The following CCSER1 variants were observed in gnomAD, a reference collection of about 807,000 sequenced individuals.
The protein encoded by CCSER1 is coiled-coil serine rich protein 1, also known as serine-rich coiled-coil domain-containing protein 1.
In CCSER1, 41 loss-of-function variants were observed where a neutral mutation model predicts 82.0. That is an observed-to-expected ratio of 0.50 (90% confidence interval 0.39 to 0.65). The LOEUF (loss-of-function observed/expected upper bound fraction) is 0.65, where lower values mean the gene tolerates loss of function less well. Ranked by LOEUF, CCSER1 falls within the 30% of genes least tolerant of loss-of-function variation. The pLI is 0.00. For synonymous variants in CCSER1, 414 were observed against 383.9 expected, an observed-to-expected ratio of 1.08 and a Z score of -0.92; for missense variants, 1,119 against 1,064.2, an observed-to-expected ratio of 1.05 and a Z score of -0.72.
At chr4:91,091,269 C>A (rs1207401771) in intron 10 of CCSER1, among the ~76,000 whole-genome samples, 3 of 152,118 alleles carry the variant, frequency 2.0e-5, no homozygotes, top group African/African-American at 7.2e-5. Context: ...AGTCTTCAGT[C>A]CTTAATCTGA....
chr4:91,393,584 T>A (rs1218639662), intron 10 of CCSER1, among the ~76,000 whole-genome samples: 1 of 152,130 alleles, frequency 6.6e-6, no homozygotes, highest in Non-Finnish European at 1.5e-5. Context: ...TCTTAAGATA[T>A]ATTAAAGTTA....
At chr4:91,568,882 GA>G (rs1763027927) in intron 10 of CCSER1, among the ~76,000 whole-genome samples, 1 of 152,078 alleles carries the variant, frequency 6.6e-6, no homozygotes, top group Non-Finnish European at 1.5e-5. Context: ...TCTTGTTGGA[GA>G]AATGGTGAGG....
intron 10 of CCSER1, among the ~76,000 whole-genome samples, chr4:91,280,460 T>C (rs1387970340): frequency 5.3e-5 from 8 of 152,040 alleles, no homozygotes; most frequent in Admixed American, 4.6e-4. Flanking sequence ...CCAGCTGTGA[T>C]GGTAGTTATC....
chr4:90,937,362 A>G (rs982143643), intron 9 of CCSER1, among the ~76,000 whole-genome samples: 1 of 152,068 alleles, frequency 6.6e-6, no homozygotes, highest in Non-Finnish European at 1.5e-5. Flanking sequence ...ATTTCCTCAT[A>G]TTGCTTTTGG....
At chr4:90,908,671 A>G (rs1270190271) in intron 8 of CCSER1, among the ~76,000 whole-genome samples, 2 of 152,118 alleles carry the variant, frequency 1.3e-5, no homozygotes, top group Non-Finnish European at 2.9e-5. Flanking sequence ...TTTAAAATCC[A>G]TTGTGTATTT....
chr4:91,037,281 CAT>C (rs1741529600), intron 9 of CCSER1, among the ~76,000 whole-genome samples: 1 of 151,470 alleles, frequency 6.6e-6, no homozygotes, highest in Non-Finnish European at 1.5e-5. Context: ...CACACACACA[CAT>C]AGATGCTCCT....
intron 5 of CCSER1, among the ~76,000 whole-genome samples, chr4:90,471,701 C>T (rs938755287): frequency 1.3e-5 from 2 of 151,502 alleles, no homozygotes; most frequent in African/African-American, 2.4e-5. Flanking sequence ...TAGGGCTGGA[C>T]GTGGTGACTC....
chr4:91,491,844 T>G (rs907704458), intron 10 of CCSER1, among the ~76,000 whole-genome samples: 3 of 151,996 alleles, frequency 2.0e-5, no homozygotes, highest in Admixed American at 1.3e-4. Context: ...ATATTATAAT[T>G]ACTTACAATT....
At chr4:90,263,904 C>G (rs72877791) in intron 1 of CCSER1, among the ~76,000 whole-genome samples, 6,765 of 152,212 alleles carry the variant, frequency 0.044, 393 homozygotes, top group African/African-American at 0.13. Context: ...CCCCAGTGGC[C>G]TGAGAGCCAC....
intron 5 of CCSER1, among the ~76,000 whole-genome samples, chr4:90,534,114 A>T (rs1021196586): frequency 3.3e-5 from 5 of 152,170 alleles, no homozygotes; most frequent in African/African-American, 1.2e-4. Context: ...TTGGAACAGA[A>T]ATATGTGCCA....
chr4:90,916,459 A>G (rs898530841), intron 8 of CCSER1, among the ~76,000 whole-genome samples: 3 of 152,150 alleles, frequency 2.0e-5, no homozygotes, highest in Non-Finnish European at 2.9e-5. Flanking sequence ...CTGGCTCGCC[A>G]TATGGAGAAA....
intron 10 of CCSER1, among the ~76,000 whole-genome samples, chr4:91,418,619 G>A (rs1273269259): frequency 1.3e-5 from 2 of 151,846 alleles, no homozygotes; most frequent in Non-Finnish European, 1.5e-5. Context: ...AGAATTTGAT[G>A]GTTTTACAGG....
intron 5 of CCSER1, among the ~76,000 whole-genome samples, chr4:90,568,204 C>T (rs998933717): frequency 5.3e-5 from 8 of 152,100 alleles, no homozygotes; most frequent in African/African-American, 9.7e-5. Context: ...TATTTTAAGT[C>T]GGATGTTTCC....
chr4:90,415,701 A>G (rs1464565542), intron 4 of CCSER1, among the ~76,000 whole-genome samples: 1 of 152,230 alleles, frequency 6.6e-6, no homozygotes, highest in East Asian at 1.9e-4. Context: ...ATCTTTAGCT[A>G]TTTAATCCAT....
At chr4:90,264,755 T>G (rs1263719406) in intron 1 of CCSER1, among the ~76,000 whole-genome samples, 2 of 152,146 alleles carry the variant, frequency 1.3e-5, no homozygotes, top group Admixed American at 1.3e-4. Flanking sequence ...TTATAACATT[T>G]TAATCCAGCT....
At chr4:91,263,549 C>A (rs543173287) in intron 10 of CCSER1, among the ~76,000 whole-genome samples, 6 of 152,052 alleles carry the variant, frequency 3.9e-5, no homozygotes, top group African/African-American at 1.4e-4. Flanking sequence ...CTAGCTATTA[C>A]CCTAGCCTAC....
At chr4:90,838,949 G>T (rs1327940608) in intron 8 of CCSER1, 1 of 1,613,288 alleles carries the variant, frequency 6.2e-7, no homozygotes, top group Admixed American at 1.7e-5. Flanking sequence ...TTCTTTGGAA[G>T]GCAGTGGATT....
At chr4:90,921,247 A>G (rs1275356459) in intron 8 of CCSER1, among the ~76,000 whole-genome samples, 1 of 151,886 alleles carries the variant, frequency 6.6e-6, no homozygotes, top group Non-Finnish European at 1.5e-5. Flanking sequence ...TGTGATAGAC[A>G]TTTGTCATAA....
chr4:90,606,672 A>G (rs939274732), intron 5 of CCSER1, among the ~76,000 whole-genome samples: 1 of 152,162 alleles, frequency 6.6e-6, no homozygotes, highest in Non-Finnish European at 1.5e-5. Context: ...TAGCAAATCT[A>G]TGGCATGGAT....
Sources: allele counts gnomAD v4.1 joint callset (sites outside exome capture counted in the v4.1 genomes callset), GRCh38; gene constraint gnomAD v4.1.1; transcripts MANE v1.5; gene names NCBI Gene and HGNC (gene_info 2026-07-23, HGNC 2026-07-21).